The following CEP43 variants were observed in gnomAD, a reference collection of about 807,000 sequenced individuals.
The protein encoded by CEP43 is FGFR1 oncogene partner.
In CEP43, 36 loss-of-function variants were observed where a neutral mutation model predicts 52.6. That is an observed-to-expected ratio of 0.68 (90% CI 0.52 to 0.90). The LOEUF (loss-of-function observed/expected upper bound fraction) is 0.90, where lower values mean the gene tolerates loss of function less well. Ranked by LOEUF, CEP43 falls within the 40% of genes least tolerant of loss-of-function variation. The pLI is 0.00. For synonymous variants in CEP43, 192 were observed against 172.4 expected (o/e 1.11, Z -0.89); for missense variants, 506 against 472.8 (o/e 1.07, Z -0.65).
chr6:167,035,056 G>A (rs574092683), intron 12 of CEP43, among the ~76,000 whole-genome samples: 5 of 152,296 alleles, frequency 3.3e-5, no homozygotes, highest in South Asian at 2.1e-4. Flanking sequence ...GTGAAATGAC[G>A]TGGGTTGAAG....
chr6:167,038,415 A>G (rs1780626639), intron 12 of CEP43, among the ~76,000 whole-genome samples: 1 of 152,206 alleles, frequency 6.6e-6, no homozygotes, highest in Admixed American at 6.5e-5. Context: ...AAAACATAAG[A>G]AGGGATCGTT....
In CEP43 at chr6:167,048,514, C is replaced by T. The variant is rs1378742873; in HGVS notation, c.*8536C>T. ...TGAGATTGCATCACTGCACTACAGC[C>T]TGGGTGACAGAGTAAGACCCTATCT... is the stretch of plus-strand genomic sequence containing the variant. On this transcript the variant is annotated 3_prime_UTR_variant, in exon 13 of 13. Transcript: ENST00000366847. The T allele has an allele frequency of 6.6e-6, 1 of 152,112 alleles. No homozygotes were observed. Among genetic ancestry groups the T allele is most frequent in the Non-Finnish European group, 1.5e-5 (1 of 68,026 alleles). The allele number at this position is 152,112 out of a possible 1,614,324, so 9.4% of individuals were successfully genotyped here. A position where few individuals can be genotyped will look rare whatever the true frequency, so the allele number is the denominator to read the frequency against.
intron 7 of CEP43, among the ~76,000 whole-genome samples, chr6:167,015,437 A>G (rs1780073509): frequency 1.3e-5 from 2 of 152,280 alleles, no homozygotes; most frequent in African/African-American, 4.8e-5. Context: ...CATTCTCAAC[A>G]TCTTCATCAT....
chr6:167,034,953 G>C (rs917815775), intron 12 of CEP43, among the ~76,000 whole-genome samples: 1 of 152,174 alleles, frequency 6.6e-6, no homozygotes, highest in Non-Finnish European at 1.5e-5. Flanking sequence ...GAGGCCTGAA[G>C]AATGTTGCTT....
chr6:167,036,255 T>C (rs1392730683), intron 12 of CEP43: 2 of 985,262 alleles, frequency 2.0e-6, no homozygotes, highest in Middle Eastern at 1.0e-3. Context: ...AGGAGGAACA[T>C]GGTAAGCTCC....
chr6:167,022,317 T>G (rs1277640884), intron 7 of CEP43, 92 bp from the exon 8 acceptor site: 2 of 757,778 alleles, frequency 2.6e-6, no homozygotes, highest in Non-Finnish European at 4.1e-6. Context: ...ACACACAGGT[T>G]TGATTATGCT....
chr6:167,015,293 T>C (rs1392585405), intron 7 of CEP43, among the ~76,000 whole-genome samples: 1 of 152,260 alleles, frequency 6.6e-6, no homozygotes, highest in Non-Finnish European at 1.5e-5. Context: ...GTTTCTGAAC[T>C]GCCTTGTGAG....
chr6:167,019,229 T>TG (rs1780169431), intron 7 of CEP43, among the ~76,000 whole-genome samples: 1 of 152,168 alleles, frequency 6.6e-6, no homozygotes, highest in Non-Finnish European at 1.5e-5. Flanking sequence ...TGAGCATCTG[T>TG]GCACATGCAT....
intron 11 of CEP43, among the ~76,000 whole-genome samples, chr6:167,033,643 C>T (rs1421342956): frequency 6.6e-6 from 1 of 151,966 alleles, no homozygotes; most frequent in Non-Finnish European, 1.5e-5. Context: ...CTATTGTGAC[C>T]AAAGTCACTG....
At position 167,041,411 on chromosome 6, in the gene CEP43, C is replaced by T. The variant is rs1368180369; in HGVS notation, c.*1433C>T. 5 of 1,061,070 alleles carry T rather than the reference C, an allele frequency of 4.7e-6. No homozygotes were observed. In the African/African-American group the frequency reaches 8.2e-5, roughly 17 times the overall value. 65.7% of individuals were successfully genotyped at this position (1,061,070 alleles called of 1,614,324 possible). A position where few individuals can be genotyped will look rare whatever the true frequency, so the allele number is the denominator to read the frequency against. ...CCTGGGAGCCCTGTGTATTTCTGCC[C>T]TCCGTCTGTGAGCTGCTATCTCAGT... On this transcript the variant is annotated 3_prime_UTR_variant, in exon 13 of 13. Coordinates refer to ENST00000366847, the MANE Select transcript of CEP43 (RefSeq NM_007045.4).
rs1562522654 is a variant in CEP43, at chr6:167,003,802, A to C, written c.291A>C (p.Glu97Asp). 6.3e-7 allele frequency: 1 copy of C among 1,593,414 alleles called. No individual in the cohort carries two copies. Among genetic ancestry groups the C allele is most frequent in the Admixed American group, 1.7e-5 (1 of 59,882 alleles). ...LDFTLAVFQP[E>D]TSTLQGLEGR... Reference sequence around the variant, plus strand: ...TTACTTTGGCTGTTTTTCAACCTGAAACTAGCACAGTAAGAATAATGATTT... The same window carrying C: ...TTACTTTGGCTGTTTTTCAACCTGACACTAGCACAGTAAGAATAATGATTT... Residue 97 changes from glutamate to aspartate, a missense_variant, in exon 4 of 13, where the codon GAA (glutamate) becomes GAC (aspartate). Coordinates refer to ENST00000366847, the MANE Select transcript of CEP43 (RefSeq NM_007045.4).
chr6:167,015,519 A>C (rs563881705), intron 7 of CEP43, among the ~76,000 whole-genome samples: 1 of 152,330 alleles, frequency 6.6e-6, no homozygotes, highest in East Asian at 1.9e-4. Flanking sequence ...TCCGCATGGT[A>C]GGTGAGTGGC....
chr6:167,033,299 CAG>C, intron 11 of CEP43, among the ~76,000 whole-genome samples: 1 of 151,820 alleles, frequency 6.6e-6, no homozygotes, highest in African/African-American at 2.4e-5. Flanking sequence ...TTGGTAGAGA[CAG>C]GGTTTTGTCG....
chr6:167,041,172 C>T lies in CEP43; in HGVS notation c.*1194C>T, dbSNP rs748477503. 1.5e-4 allele frequency: 156 copies of T among 1,046,286 alleles called. No individual in the cohort carries two copies. The highest frequency in any genetic ancestry group is 3.7e-4 in the South Asian group (8 of 21,796). The allele number at this position is 1,046,286 out of a possible 1,614,324, so 64.8% of individuals were successfully genotyped here. A position where few individuals can be genotyped will look rare whatever the true frequency, so the allele number is the denominator to read the frequency against. The stretch of plus-strand genomic sequence containing the variant: ...CAAATTAGACCTAATTCATTGATCT[C>T]GGTTAAGTGAGCAGACTGCATGACT... On this transcript the variant is annotated 3_prime_UTR_variant, in exon 13 of 13. Transcript: ENST00000366847.
chr6:167,042,164 A>G lies in CEP43; in HGVS notation c.*2186A>G. 9.9e-7 allele frequency: 1 copy of G among 1,008,572 alleles called. No homozygotes were observed. Among genetic ancestry groups the G allele is most frequent in the African/African-American group, 1.7e-5 (1 of 58,064 alleles). 62.5% of individuals were successfully genotyped at this position (1,008,572 alleles called of 1,614,324 possible). A position where few individuals can be genotyped will look rare whatever the true frequency, so the allele number is the denominator to read the frequency against. On this transcript the variant is annotated 3_prime_UTR_variant, in exon 13 of 13. Transcript: ENST00000366847. The stretch of plus-strand genomic sequence containing the variant: ...ATGATTTTGAATGACTTAAAGTTCA[A>G]CTATGAAAAAGCTTTCTTTTCACAT...
intron 12 of CEP43, among the ~76,000 whole-genome samples, chr6:167,038,188 T>C (rs1780622458): frequency 6.6e-6 from 1 of 152,260 alleles, no homozygotes; most frequent in Non-Finnish European, 1.5e-5. Flanking sequence ...GTTAATAGGT[T>C]AACTTTCTAG....
In CEP43 at chr6:167,041,373, T is replaced by A. The variant is rs1780690004; in HGVS notation, c.*1395T>A. ...CATCAAGAGGAAGTAGGACATAAAC[T>A]GGGCCGGTACAGCCTGGGAGCCCTG... On this transcript the variant is annotated 3_prime_UTR_variant, in exon 13 of 13. Transcript: ENST00000366847. 5 of 1,060,314 alleles carry A rather than the reference T, an allele frequency of 4.7e-6. No homozygotes were observed. In the South Asian group the frequency reaches 2.3e-4, roughly 48 times the overall value. The allele number at this position is 1,060,314 out of a possible 1,614,324, so 65.7% of individuals were successfully genotyped here. A position where few individuals can be genotyped will look rare whatever the true frequency, so the allele number is the denominator to read the frequency against.
rs116956833 is a variant in CEP43 at position 167,032,700 on chromosome 6, G to A, written c.1028+58G>A. 980 of 1,425,156 alleles carry A rather than the reference G, an allele frequency of 6.9e-4. 10 individuals carry two copies. The East Asian group carries it at 0.019, about 28-fold the overall frequency. 88.3% of individuals were successfully genotyped at this position (1,425,156 alleles called of 1,614,324 possible). A position where few individuals can be genotyped will look rare whatever the true frequency, so the allele number is the denominator to read the frequency against. On this transcript the variant is annotated intron_variant, in intron 11 of 12. Transcript: ENST00000366847. ...TATACGTTATTTGTAAACAATTTCC[G>A]AACACAGACAAGACAAAATTACATT...
At chr6:167,006,576 CTA>C (rs1324630835) in intron 5 of CEP43, among the ~76,000 whole-genome samples, 1 of 151,832 alleles carries the variant, frequency 6.6e-6, no homozygotes, top group African/African-American at 2.4e-5. Flanking sequence ...TAGTAGAAAA[CTA>C]TTTATATAGC....
Sources: allele counts gnomAD v4.1 joint callset (sites outside exome capture counted in the v4.1 genomes callset), GRCh38; gene constraint gnomAD v4.1.1; transcripts MANE v1.5; gene names NCBI Gene and HGNC (gene_info 2026-07-23, HGNC 2026-07-21).